Variants in CATSPERE observed in about 807,000 individuals in gnomAD.
The protein encoded by CATSPERE is cation channel sperm-associated auxiliary subunit epsilon.
CATSPERE carries 93 observed loss-of-function variants against 114.1 expected under a neutral mutation model. The observed-to-expected ratio is 0.81, with a 90% CI of 0.69 to 0.97. CATSPERE has a LOEUF of 0.97. CATSPERE is among the 50% of genes least tolerant of loss of function. The pLI, the probability that CATSPERE is intolerant of heterozygous loss-of-function variation, is 0.00. For missense variants in CATSPERE, 1,058 were observed against 1,131.6 expected (o/e 0.93, Z 0.93); for synonymous variants, 341 against 384.1 (o/e 0.89, Z 1.31).
At chr1:244,602,978 A>T (rs925646953) in intron 17 of CATSPERE, among the ~76,000 whole-genome samples, 1 of 152,102 alleles carries the variant, frequency 6.6e-6, no homozygotes, top group Non-Finnish European at 1.5e-5. Context: ...GCAGAGCCTT[A>T]TTGCAGTTTC....
intron 8 of CATSPERE, among the ~76,000 whole-genome samples, chr1:244,546,414 A>G (rs950726783): frequency 6.6e-6 from 1 of 152,244 alleles, no homozygotes; most frequent in Non-Finnish European, 1.5e-5. Flanking sequence ...ACAGATATCA[A>G]TGCATGACCA....
upstream of CATSPERE, chr1:244,454,319 G>C (rs1182617622): frequency 6.6e-6 from 1 of 152,184 alleles, no homozygotes; most frequent in African/African-American, 2.4e-5. Flanking sequence ...AAGTTTTTGA[G>C]CTTTGCCAGG....
upstream of CATSPERE, among the ~76,000 whole-genome samples, chr1:244,458,569 T>C (rs935003234): frequency 2.0e-5 from 3 of 152,226 alleles, no homozygotes; most frequent in African/African-American, 7.2e-5. Flanking sequence ...GGAGAGCTAA[T>C]GTGTTAAACA....
chr1:244,529,870 A>G (rs1239831100), intron 8 of CATSPERE, among the ~76,000 whole-genome samples: 1 of 152,068 alleles, frequency 6.6e-6, no homozygotes, highest in Non-Finnish European at 1.5e-5. Flanking sequence ...TAAGTCTTTA[A>G]TTCACTTGTT....
At chr1:244,487,205 G>A (rs575807367) in intron 5 of CATSPERE, among the ~76,000 whole-genome samples, 8 of 151,602 alleles carry the variant, frequency 5.3e-5, no homozygotes, top group Admixed American at 5.3e-4. Flanking sequence ...TGGAATAGTT[G>A]TGGGCCAGGT....
rs543155665 is a variant in CATSPERE at position 244,633,137 on chromosome 1, T to G, written c.2649-2352T>G. Reference sequence around the variant, plus strand: ...TACATGAAACAAAAACGGATAGAACTAAACAGAGAAACAGACAAACCCCTA... The same window carrying G: ...TACATGAAACAAAAACGGATAGAACGAAACAGAGAAACAGACAAACCCCTA... On this transcript the variant is annotated intron_variant, in intron 20 of 21. Coordinates refer to ENST00000366534, the MANE Select transcript of CATSPERE (RefSeq NM_001130957.2). The surrounding 1 kb of genome is among the most constrained non-coding windows in gnomAD (Gnocchi z 4.1). Among the ~76,000 whole-genome samples, 1 of 152,290 alleles carries G rather than the reference T, an allele frequency of 6.6e-6. No homozygotes were observed. Among genetic ancestry groups the G allele is most frequent in the South Asian group, 2.1e-4 (1 of 4,830 alleles).
upstream of CATSPERE, among the ~76,000 whole-genome samples, chr1:244,452,783 A>G (rs1665729628): frequency 6.6e-6 from 1 of 152,230 alleles, no homozygotes; most frequent in South Asian, 2.1e-4. Context: ...ATCTAAGTCC[A>G]GAGCCCATGT....
At position 244,538,721 on chromosome 1, in the gene CATSPERE, T is replaced by C. The variant is rs561291209; in HGVS notation, c.537-13601T>C. The stretch of plus-strand genomic sequence containing the variant: ...CCACAGTTTCCCCCATGGGGAAAGA[T>C]AGTGGAGCTGGATATTCAACTTTCC... On this transcript the variant is annotated intron_variant, in intron 8 of 21. Transcript: ENST00000366534. Among the ~76,000 whole-genome samples the C allele has an allele frequency of 1.6e-4, 24 of 152,282 alleles. No individual in the cohort carries two copies. The East Asian group carries it at 4.4e-3, about 28-fold the overall frequency.
intron 15 of CATSPERE, among the ~76,000 whole-genome samples, chr1:244,592,575 T>G (rs911605714): frequency 3.3e-5 from 5 of 152,170 alleles, no homozygotes; most frequent in African/African-American, 1.2e-4. Flanking sequence ...TTAAAATAAA[T>G]GAAAGAATGT....
intron 10 of CATSPERE, among the ~76,000 whole-genome samples, chr1:244,562,753 A>G (rs189746324): frequency 6.6e-6 from 1 of 151,798 alleles, no homozygotes; most frequent in East Asian, 1.9e-4. Context: ...TGTTTATTAT[A>G]CTTTAAGTTC....
intron 8 of CATSPERE, among the ~76,000 whole-genome samples, chr1:244,523,240 T>C (rs1180003923): frequency 6.7e-6 from 1 of 148,778 alleles, no homozygotes; most frequent in Non-Finnish European, 1.5e-5. Flanking sequence ...AAAAACCACA[T>C]GATTATCTCA....
intron 9 of CATSPERE, among the ~76,000 whole-genome samples, chr1:244,557,997 C>T (rs531561581): frequency 6.6e-6 from 1 of 152,060 alleles, no homozygotes; most frequent in Non-Finnish European, 1.5e-5. Context: ...GCCACCCAGG[C>T]TGGAGTGCAA....
intron 17 of CATSPERE, among the ~76,000 whole-genome samples, chr1:244,594,414 T>C (rs1668115617): frequency 1.3e-5 from 2 of 152,244 alleles, no homozygotes. Context: ...TTTGCTTTCG[T>C]CTCTGACTTT....
chr1:244,524,784 A>G lies in CATSPERE; in HGVS notation c.536+6086A>G, dbSNP rs929598391. ...CAGAGAAATGCAAATCAAAACCACA[A>G]TGAGATACCATCTCACACCAGTTAG... On this transcript the variant is annotated intron_variant, in intron 8 of 21. Transcript: ENST00000366534. Among the ~76,000 whole-genome samples, 11 of 147,274 alleles carry G rather than the reference A, an allele frequency of 7.5e-5. 1 individual carries two copies. The highest frequency in any genetic ancestry group is 2.1e-4 in the South Asian group (1 of 4,772).
At chr1:244,454,067 G>A (rs1665894678), upstream of CATSPERE, among the ~76,000 whole-genome samples, 1 of 152,196 alleles carries the variant, frequency 6.6e-6, no homozygotes, top group Non-Finnish European at 1.5e-5. Flanking sequence ...TCGTCTTTGT[G>A]TGCGTTTGTA....
Position 244,469,316 on chromosome 1 carries a change from G to A in CATSPERE, c.114+5360G>A, listed in dbSNP as rs549332393. Among the ~76,000 whole-genome samples the A allele has an allele frequency of 2.1e-4, 32 of 152,228 alleles. 1 individual carries two copies. The South Asian group carries it at 6.6e-3, about 32-fold the overall frequency. ...AAGGAATACATATAAGTACATAAAA[G>A]TATGGAGTACATATAAGGAGATTAA... On this transcript the variant is annotated intron_variant, in intron 2 of 21. Coordinates refer to ENST00000366534, the MANE Select transcript of CATSPERE (RefSeq NM_001130957.2).
chr1:244,625,407 TA>T (rs1673012030), intron 20 of CATSPERE, among the ~76,000 whole-genome samples: 1 of 11,646 alleles, frequency 8.6e-5, no homozygotes, highest in Non-Finnish European at 1.4e-4. Flanking sequence ...TATTATTATT[TA>T]TATATATATA....
intron 10 of CATSPERE, among the ~76,000 whole-genome samples, chr1:244,562,368 C>A (rs1341169220): frequency 2.0e-5 from 3 of 152,094 alleles, no homozygotes; most frequent in Non-Finnish European, 4.4e-5. Context: ...GCCTTCAGTT[C>A]TTTTTCTGTT....
intron 7 of CATSPERE, among the ~76,000 whole-genome samples, chr1:244,511,242 A>T (rs1256706893): frequency 4.6e-5 from 7 of 151,758 alleles, no homozygotes. Flanking sequence ...ATGGTTTTTG[A>T]CTTAAAGTCT....
Sources: gnomAD v4.1 joint callset for allele counts (sites outside exome capture counted in the v4.1 genomes callset) on GRCh38, gnomAD v4.1.1 for gene constraint, Gnocchi (gnomAD v3.1) non-coding constraint, MANE v1.5 for transcripts, NCBI Gene and HGNC (gene_info 2026-07-23, HGNC 2026-07-21) for gene names.